VCPIP1: variants seen among roughly 807,000 people sequenced by gnomAD.
The protein encoded by VCPIP1 is valosin containing protein interacting protein 1.
Under a neutral mutation model 85.0 loss-of-function variants are expected in VCPIP1, and 8 were observed. The ratio of observed to expected loss-of-function variants is 0.09; its 90% CI spans 0.06 to 0.17. VCPIP1 has a LOEUF of 0.17. VCPIP1 is among the 10% of genes least tolerant of loss of function. The pLI is 1.00. For synonymous variants in VCPIP1, 543 were observed against 544.5 expected (o/e 1.00, Z 0.04); for missense variants, 1,070 against 1,486.3 (o/e 0.72, Z 4.61).
Position 66,632,004 on chromosome 8 carries a change from T to C in VCPIP1, c.*2497A>G, listed in dbSNP as rs1014468293. 2.0e-5 allele frequency: 3 copies of C among 151,978 alleles called. No individual in the cohort carries two copies. The highest frequency in any genetic ancestry group is 7.3e-5 in the African/African-American group (3 of 41,362). The allele number at this position is 151,978 out of a possible 1,614,324, so 9.4% of individuals were successfully genotyped here. On this transcript the variant is annotated 3_prime_UTR_variant, in exon 3 of 3. Transcript: ENST00000310421. ...AAATTTACAACTTTATTTCAATGTTTAGTGAAGCACTGCAAACAGAATTGC... is the reference window on the plus strand; with the variant it reads ...AAATTTACAACTTTATTTCAATGTTCAGTGAAGCACTGCAAACAGAATTGC...
chr8:66,638,970 C>CTATATATATATA (rs1554584185), intron 2 of VCPIP1, among the ~76,000 whole-genome samples: 102 of 118,416 alleles, frequency 8.6e-4, no homozygotes, highest in African/African-American at 3.3e-3. Context: ...CTCTCTCTCT[C>CTATATATATATA]TATATATATA....
At chr8:66,661,848 C>T (rs1395771491) in intron 1 of VCPIP1, among the ~76,000 whole-genome samples, 5 of 149,702 alleles carry the variant, frequency 3.3e-5, no homozygotes, top group Non-Finnish European at 7.4e-5. Context: ...ACTGCAACCT[C>T]TGCCTCCCCG....
chr8:66,662,388 T>C (rs528381387), intron 1 of VCPIP1, among the ~76,000 whole-genome samples: 4 of 152,352 alleles, frequency 2.6e-5, no homozygotes, highest in Non-Finnish European at 1.5e-5. Flanking sequence ...TACAGCAGTA[T>C]ATGAACATTG....
intron 1 of VCPIP1, 106 bp downstream of exon 1, chr8:66,664,143 A>T: frequency 7.5e-7 from 1 of 1,332,580 alleles, no homozygotes; most frequent in Non-Finnish European, 9.9e-7. Flanking sequence ...ATATATAATT[A>T]AAAACTTACA....
intron 1 of VCPIP1, among the ~76,000 whole-genome samples, chr8:66,654,294 G>T (rs1811079518): frequency 6.6e-6 from 1 of 152,200 alleles, no homozygotes; most frequent in Non-Finnish European, 1.5e-5. Context: ...TGGCCAACAA[G>T]GTGAAACTCC....
rs867340880 is a variant in VCPIP1 at position 66,656,811 on chromosome 8, T to C, written c.2711-5267A>G. Among the ~76,000 whole-genome samples the C allele has an allele frequency of 2.0e-5, 3 of 151,984 alleles. 1 individual carries two copies. In the South Asian group the frequency reaches 6.2e-4, roughly 31 times the overall value. On this transcript the variant is annotated intron_variant, in intron 1 of 2. Coordinates refer to ENST00000310421, the MANE Select transcript of VCPIP1 (RefSeq NM_025054.5). Reference sequence around the variant, plus strand: ...TTTTAGTAGATACAGGGTTTCACCATGTTGGCCAGGCTGGTCTTGAACTCC... The same window carrying C: ...TTTTAGTAGATACAGGGTTTCACCACGTTGGCCAGGCTGGTCTTGAACTCC...
intron 1 of VCPIP1, among the ~76,000 whole-genome samples, chr8:66,660,838 G>A (rs566547497): frequency 1.1e-3 from 165 of 151,992 alleles, no homozygotes; most frequent in Non-Finnish European, 2.1e-3. Flanking sequence ...GAGGTCGGGA[G>A]TTCAAGACCA....
intron 1 of VCPIP1, among the ~76,000 whole-genome samples, chr8:66,657,101 C>G (rs1811108383): frequency 6.6e-6 from 1 of 152,082 alleles, no homozygotes; most frequent in African/African-American, 2.4e-5. Flanking sequence ...GATAGGGTTT[C>G]TCCATGTTGG....
In VCPIP1 at chr8:66,632,096, A is replaced by C. The variant is rs1331381766; in HGVS notation, c.*2405T>G. 1 of 151,516 alleles carries C rather than the reference A, an allele frequency of 6.6e-6. No individual in the cohort carries two copies. Among genetic ancestry groups the C allele is most frequent in the Non-Finnish European group, 1.5e-5 (1 of 67,782 alleles). 9.4% of individuals were successfully genotyped at this position (151,516 alleles called of 1,614,324 possible). ...AAAAAAAAAAAAACAAATTTACCTG[A>C]GATGTCTAGCTTGCACGCCAAGATG... On this transcript the variant is annotated 3_prime_UTR_variant, in exon 3 of 3. Transcript: ENST00000310421.
rs143400977 is a variant in VCPIP1, at chr8:66,639,286, A to G, written c.2798-3914T>C. On this transcript the variant is annotated intron_variant, in intron 2 of 2. Coordinates refer to ENST00000310421, the MANE Select transcript of VCPIP1 (RefSeq NM_025054.5). ...AGGCATGAGACACCACACCTGGCCGAAAACTTACTATATTTTAAGCCAATT... is the reference window on the plus strand; with the variant it reads ...AGGCATGAGACACCACACCTGGCCGGAAACTTACTATATTTTAAGCCAATT... 5.2e-3 allele frequency among the ~76,000 whole-genome samples: 778 copies of G among 150,902 alleles called. 6 individuals are homozygous for G. The highest frequency in any genetic ancestry group is 0.014 in the Middle Eastern group (4 of 290).
At position 66,666,536 on chromosome 8, in the gene VCPIP1, T is replaced by C; in HGVS notation, c.423A>G (p.Lys141=). The C allele has an allele frequency of 6.2e-7, 1 of 1,614,124 alleles. No individual in the cohort carries two copies. Among genetic ancestry groups the C allele is most frequent in the Non-Finnish European group, 8.5e-7 (1 of 1,180,010 alleles). ...SPILARYGMD[K]QTGRAKLLRD... Reference sequence around the variant, plus strand: ...GGAGAAGCTTGGCCCGGCCTGTCTGTTTGTCCATTCCATAGCGAGCTAATA... The same window carrying C: ...GGAGAAGCTTGGCCCGGCCTGTCTGCTTGTCCATTCCATAGCGAGCTAATA... Residue 141 remains lysine (K), a synonymous_variant, in exon 1 of 3, where the codon AAA becomes AAG. Transcript: ENST00000310421. This position sits in a 1 kb window ranked among gnomAD's most constrained non-coding sequence, Gnocchi z 6.3.
At chr8:66,649,500 C>A (rs1368424765) in intron 2 of VCPIP1, among the ~76,000 whole-genome samples, 1 of 152,058 alleles carries the variant, frequency 6.6e-6, no homozygotes, top group Non-Finnish European at 1.5e-5. Context: ...TAGAGTGAGA[C>A]CCTGTCTCTA....
rs1448886614 is a variant in VCPIP1, at chr8:66,664,458, T to C, written c.2501A>G (p.Glu834Gly). The change falls in exon 1 of 3, where the codon GAA (glutamate) becomes GGA (glycine). Residue 834 changes from glutamate to glycine, a missense_variant. This residue lies in a region of VCPIP1 where 278 missense variants were observed against 298.5 expected (regional missense o/e 0.93). Transcript: ENST00000310421. The stretch of plus-strand genomic sequence containing the variant: ...ATGCTGTAAAGGAACTGGTTCCTTT[T>C]CCATTCCTGCCTGTGGTGGCATTAA... The part of the protein sequence containing the change: ...KELMPPQAGM[E>G]KEPVPLQHGD... The C allele has an allele frequency of 2.5e-6, 4 of 1,613,866 alleles. No homozygotes were observed. Among genetic ancestry groups the C allele is most frequent in the Non-Finnish European group, 3.4e-6 (4 of 1,179,788 alleles).
In VCPIP1 at chr8:66,667,169, T is replaced by TA. The variant is rs1406597952; in HGVS notation, c.-212dup. 5.5e-6 allele frequency: 6 copies of TA among 1,088,806 alleles called. No homozygotes were observed. The Admixed American group carries it at 2.0e-4, about 36-fold the overall frequency. The allele number at this position is 1,088,806 out of a possible 1,614,324, so 67.4% of individuals were successfully genotyped here. A position where few individuals can be genotyped will look rare whatever the true frequency, so the allele number is the denominator to read the frequency against. On this transcript the variant is annotated 5_prime_UTR_variant, in exon 1 of 3. Coordinates refer to ENST00000310421, the MANE Select transcript of VCPIP1 (RefSeq NM_025054.5). ...ACTGCCGTAGCCGTTGCCCCGAACGTAACGGCCACCACCCCACCCCGCACT... is the reference window on the plus strand; with the variant it reads ...ACTGCCGTAGCCGTTGCCCCGAACGTAAACGGCCACCACCCCACCCCGCACT...
Position 66,664,477 on chromosome 8 carries a change from G to A in VCPIP1, c.2482C>T (p.Pro828Ser), listed in dbSNP as rs774078209. 1 of 1,613,994 alleles carries A rather than the reference G, an allele frequency of 6.2e-7. No homozygotes were observed. Among genetic ancestry groups the A allele is most frequent in the Non-Finnish European group, 8.5e-7 (1 of 1,179,934 alleles). Reference protein sequence around the residue: ...RYGFPPKELMPPQAGMEKEPV... With the variant: ...RYGFPPKELMSPQAGMEKEPV... ...TCCTTTTCCATTCCTGCCTGTGGTG[G>A]CATTAACTCTTTAGGAGGAAACCCG... is the stretch of plus-strand genomic sequence containing the variant. The change falls in exon 1 of 3, where the codon CCA becomes TCA. Residue 828 changes from proline to serine, a missense_variant. Pro to Ser is a moderately conservative substitution (Grantham distance 74). This residue lies in a region of VCPIP1 where 278 missense variants were observed against 298.5 expected (regional missense o/e 0.93). Transcript: ENST00000310421.
At position 66,630,768 on chromosome 8, in the gene VCPIP1, A is replaced by G. The variant is rs1228930164; in HGVS notation, c.*3733T>C. ...ACATTAAAATTCCCACGATTTAAGTATCATTAAATATGAACTGAAACACTT... is the reference window on the plus strand; with the variant it reads ...ACATTAAAATTCCCACGATTTAAGTGTCATTAAATATGAACTGAAACACTT... On this transcript the variant is annotated 3_prime_UTR_variant, in exon 3 of 3. Transcript: ENST00000310421. The G allele has an allele frequency of 6.6e-6, 1 of 152,610 alleles. No individual in the cohort carries two copies. The highest frequency in any genetic ancestry group is 1.5e-5 in the Non-Finnish European group (1 of 68,002). 9.5% of individuals were successfully genotyped at this position (152,610 alleles called of 1,614,324 possible). A position where few individuals can be genotyped will look rare whatever the true frequency, so the allele number is the denominator to read the frequency against.
rs1357325950 is a variant in VCPIP1 at position 66,634,613 on chromosome 8, G to C, written c.3557C>G (p.Ala1186Gly). 5.0e-6 allele frequency: 8 copies of C among 1,614,176 alleles called. No homozygotes were observed. Among genetic ancestry groups the C allele is most frequent in the Non-Finnish European group, 5.9e-6 (7 of 1,180,038 alleles). ...TTGTGCTTTTGACCTTGTGGCAAAG[G>C]CTGCTCCCAGTGCATCTGCTACACA... The part of the protein sequence containing the change: ...DGCVADALGA[A>G]FATRSKAQRG... The change falls in exon 3 of 3, where the codon GCC becomes GGC. Residue 1186 changes from alanine (A) to glycine (G), a missense_variant. Transcript: ENST00000310421.
In VCPIP1 at chr8:66,657,156, C is replaced by T. The variant is rs186487208; in HGVS notation, c.2711-5612G>A. Among the ~76,000 whole-genome samples, 255 of 152,226 alleles carry T rather than the reference C, an allele frequency of 1.7e-3. 5 individuals carry two copies. Among genetic ancestry groups the T allele is most frequent in the Non-Finnish European group, 2.8e-3 (188 of 68,016 alleles). Reference sequence around the variant, plus strand: ...CTGATCTCAGACAATTTGTCCATCTCGGCCTCCCAAAGTACTGGGATTACA... The same window carrying T: ...CTGATCTCAGACAATTTGTCCATCTTGGCCTCCCAAAGTACTGGGATTACA... On this transcript the variant is annotated intron_variant, in intron 1 of 2. Coordinates refer to ENST00000310421, the MANE Select transcript of VCPIP1 (RefSeq NM_025054.5).
Position 66,635,132 on chromosome 8 carries a change from T to C in VCPIP1, c.3038A>G (p.Lys1013Arg), listed in dbSNP as rs1330557399. The change falls in exon 3 of 3, where the codon AAA (lysine) becomes AGA (arginine). Residue 1013 changes from lysine (K) to arginine (R), a missense_variant. Transcript: ENST00000310421. ...LLKLGSGGVV[K>R]KKSEQLHNVT... ...GTTATGAAGTTGCTCAGATTTCTTT[T>C]TCACTACTCCACCACTACCTAGTTT... 1 of 1,614,194 alleles carries C rather than the reference T, an allele frequency of 6.2e-7. No homozygotes were observed. The highest frequency in any genetic ancestry group is 2.2e-5 in the East Asian group (1 of 44,888).
Sources: allele counts gnomAD v4.1 joint callset (sites outside exome capture counted in the v4.1 genomes callset), GRCh38; gene constraint gnomAD v4.1.1; regional missense constraint gnomAD v4.1.1; non-coding constraint Gnocchi (gnomAD v3.1); transcripts MANE v1.5; gene names NCBI Gene and HGNC (gene_info 2026-07-23, HGNC 2026-07-21).